KCNIP3: variants seen among roughly 807,000 people sequenced by gnomAD.
KCNIP3 encodes calsenilin.
In KCNIP3, 28 loss-of-function variants were observed where a neutral mutation model predicts 35.0. The observed-to-expected ratio is 0.80, with a 90% CI of 0.59 to 1.10. The LOEUF (loss-of-function observed/expected upper bound fraction) is 1.10, where lower values mean the gene tolerates loss of function less well. Among genes scored for constraint, KCNIP3 ranks in the 50% least tolerant of loss-of-function variants. The probability of loss-of-function intolerance (pLI) is 0.00; values close to 1 mark genes in which losing one functional copy is unlikely to be tolerated. For synonymous variants in KCNIP3, 134 were observed against 133.8 expected, an observed-to-expected ratio of 1.00 and a Z score of -0.01; for missense variants, 295 against 338.4, an observed-to-expected ratio of 0.87 and a Z score of 1.01.
At chr2:95,355,935 T>A (rs1478706419) in intron 2 of KCNIP3, among the ~76,000 whole-genome samples, 1 of 152,226 alleles carries the variant, frequency 6.6e-6, no homozygotes, top group Non-Finnish European at 1.5e-5. Flanking sequence ...TCTTCCACAA[T>A]GTTTGAACTA....
chr2:95,301,322 T>C (rs926563507), intron 1 of KCNIP3, among the ~76,000 whole-genome samples: 7 of 152,216 alleles, frequency 4.6e-5, no homozygotes, highest in Non-Finnish European at 7.3e-5. Context: ...CCATGGGTCT[T>C]GCGCAGAGCC....
chr2:95,368,840 T>G lies in KCNIP3; in HGVS notation c.182-5456T>G, dbSNP rs149918679. The G allele has an allele frequency of 4.7e-4, 96 of 205,898 alleles. No homozygotes were observed. The East Asian group carries it at 9.7e-3, about 21-fold the overall frequency. The allele number at this position is 205,898 out of a possible 1,614,324, so 12.8% of individuals were successfully genotyped here. A position where few individuals can be genotyped will look rare whatever the true frequency, so the allele number is the denominator to read the frequency against. ...ACCCTTCATGTCGTCATCAGAGTTC[T>G]GACTGTCCCTCAGCTTCCAGGTAGC... On this transcript the variant is annotated intron_variant, in intron 2 of 8. Transcript: ENST00000295225.
At chr2:95,343,816 G>C (rs1679276341) in intron 2 of KCNIP3, among the ~76,000 whole-genome samples, 1 of 152,218 alleles carries the variant, frequency 6.6e-6, no homozygotes, top group Admixed American at 6.5e-5. Flanking sequence ...GACAGAACTG[G>C]ATGGCAGCTT....
rs115255053 is a variant in KCNIP3 at position 95,316,922 on chromosome 2, C to T, written c.181+6402C>T. Among the ~76,000 whole-genome samples, 406 of 152,306 alleles carry T rather than the reference C, an allele frequency of 2.7e-3. 1 individual carries two copies. Among genetic ancestry groups the T allele is most frequent in the African/African-American group, 8.9e-3 (372 of 41,568 alleles). ...CCTTAGCAAGCTGCCTGGCTGTTAT[C>T]GCCTTTATTTATTGCTAAGTGCTCA... On this transcript the variant is annotated intron_variant, in intron 2 of 8. Coordinates refer to ENST00000295225, the MANE Select transcript of KCNIP3 (RefSeq NM_013434.5).
At chr2:95,381,768 G>T (rs546112138) in intron 6 of KCNIP3, 65 bp downstream of exon 6, 2 of 1,096,054 alleles carry the variant, frequency 1.8e-6, no homozygotes, top group East Asian at 4.8e-5. Context: ...CCCTCCCGCC[G>T]CTCTTCCTCT....
chr2:95,308,778 C>T (rs1330458724), intron 1 of KCNIP3, among the ~76,000 whole-genome samples: 2 of 152,218 alleles, frequency 1.3e-5, no homozygotes, highest in African/African-American at 4.8e-5. Context: ...GCCAATTCTT[C>T]CAGTTCAAAT....
chr2:95,361,061 A>G (rs1289791704), intron 2 of KCNIP3, among the ~76,000 whole-genome samples: 3 of 152,132 alleles, frequency 2.0e-5, no homozygotes, highest in Non-Finnish European at 4.4e-5. Flanking sequence ...TGGCATCACA[A>G]TTTTGCCCTG....
Position 95,349,634 on chromosome 2 carries a change from C to G in KCNIP3, c.182-24662C>G, listed in dbSNP as rs115589335. On this transcript the variant is annotated intron_variant, in intron 2 of 8. Transcript: ENST00000295225. The stretch of plus-strand genomic sequence containing the variant: ...AGCCCGGGGTGGTGGCATGGCTGTC[C>G]TGACCACCAGGGCAAATCAGTGGGC... 7.7e-3 allele frequency among the ~76,000 whole-genome samples: 1,179 copies of G among 152,320 alleles called. 15 individuals are homozygous for G. Among genetic ancestry groups the G allele is most frequent in the African/African-American group, 0.027 (1,138 of 41,574 alleles).
intron 5 of KCNIP3, among the ~76,000 whole-genome samples, chr2:95,379,130 C>A (rs1680276242): frequency 6.6e-6 from 1 of 151,912 alleles, no homozygotes; most frequent in South Asian, 2.1e-4. Flanking sequence ...CCCCCCAGCC[C>A]CCCACCCATC....
At chr2:95,375,642 C>A (rs550130329) in intron 5 of KCNIP3, among the ~76,000 whole-genome samples, 167 of 152,268 alleles carry the variant, frequency 1.1e-3, no homozygotes, top group Non-Finnish European at 1.7e-3. Flanking sequence ...AACATCCCAG[C>A]CGGAGCAGCC....
At position 95,377,943 on chromosome 2, in the gene KCNIP3, T is replaced by A. The variant is rs557678325; in HGVS notation, c.447+2735T>A. Among the ~76,000 whole-genome samples, 8 of 152,220 alleles carry A rather than the reference T, an allele frequency of 5.3e-5. No individual in the cohort carries two copies. The highest frequency in any genetic ancestry group is 1.2e-4 in the Non-Finnish European group (8 of 68,024). On this transcript the variant is annotated intron_variant, in intron 5 of 8. Transcript: ENST00000295225. This position sits in a 1 kb window ranked among gnomAD's most constrained non-coding sequence, Gnocchi z 4.7. The stretch of plus-strand genomic sequence containing the variant: ...CTGAAGATAAGGTGGAGGACAGCGG[T>A]GCCTGCCCAGGGTCCCCAGGAGAAC...
chr2:95,383,880 C>A, intron 8 of KCNIP3, 122 bp from the exon 9 acceptor site: 1 of 844,306 alleles, frequency 1.2e-6, no homozygotes, highest in South Asian at 1.4e-5. Context: ...CTCCCTGCAC[C>A]CAATAAGACA....
intron 2 of KCNIP3, among the ~76,000 whole-genome samples, chr2:95,347,394 T>C (rs1011593654): frequency 6.6e-6 from 1 of 152,172 alleles, no homozygotes; most frequent in African/African-American, 2.4e-5. Flanking sequence ...AGGCCTGCAG[T>C]CCGGGCGCCC....
chr2:95,302,075 C>T (rs1004112733), intron 1 of KCNIP3, among the ~76,000 whole-genome samples: 13 of 152,240 alleles, frequency 8.5e-5, no homozygotes, highest in Middle Eastern at 6.8e-3. Flanking sequence ...GGGGCCTGCA[C>T]GACACAACGC....
At chr2:95,346,629 G>GCGCCCCT (rs1385886979) in intron 2 of KCNIP3, 2 of 144,810 alleles carry the variant, frequency 1.4e-5, no homozygotes, top group Admixed American at 6.9e-5. Context: ...CCCGCGCCCC[G>GCGCCCCT]GCGCCCGCGG....
At position 95,382,344 on chromosome 2, in the gene KCNIP3, T is replaced by TGTGA. The variant is rs781080133; in HGVS notation, c.556-33_556-32insGTGA. The TGTGA allele has an allele frequency of 6.8e-7, 1 of 1,474,840 alleles. No individual in the cohort carries two copies. Among genetic ancestry groups the TGTGA allele is most frequent in the Non-Finnish European group, 9.2e-7 (1 of 1,088,608 alleles). The allele number at this position is 1,474,840 out of a possible 1,614,324, so 91.4% of individuals were successfully genotyped here. A position where few individuals can be genotyped will look rare whatever the true frequency, so the allele number is the denominator to read the frequency against. ...TTGGGCCCTCACAGCCACCCCGGCC[T>TGTGA]TGCAGCAGGCTCATGCCAGCCTCCC... On this transcript the variant is annotated intron_variant, in intron 6 of 8. Transcript: ENST00000295225. This position sits in a 1 kb window ranked among gnomAD's most constrained non-coding sequence, Gnocchi z 4.5.
In KCNIP3 at chr2:95,382,353, G is replaced by C; in HGVS notation, c.556-24G>C. 1 of 1,526,250 alleles carries C rather than the reference G, an allele frequency of 6.6e-7. No homozygotes were observed. The highest frequency in any genetic ancestry group is 8.9e-7 in the Non-Finnish European group (1 of 1,127,872). 94.5% of individuals were successfully genotyped at this position (1,526,250 alleles called of 1,614,324 possible). A position where few individuals can be genotyped will look rare whatever the true frequency, so the allele number is the denominator to read the frequency against. ...CACAGCCACCCCGGCCTTGCAGCAG[G>C]CTCATGCCAGCCTCCCCCTCCAGGA... On this transcript the variant is annotated intron_variant, in intron 6 of 8. Coordinates refer to ENST00000295225, the MANE Select transcript of KCNIP3 (RefSeq NM_013434.5). This position sits in a 1 kb window ranked among gnomAD's most constrained non-coding sequence, Gnocchi z 4.5.
intron 2 of KCNIP3, among the ~76,000 whole-genome samples, chr2:95,314,669 G>C (rs1237303839): frequency 6.6e-6 from 1 of 152,254 alleles, no homozygotes; most frequent in African/African-American, 2.4e-5. Context: ...GGTCTGAGTG[G>C]TGTGAGGGGC....
intron 1 of KCNIP3, among the ~76,000 whole-genome samples, chr2:95,302,163 C>G (rs1678051026): frequency 6.6e-6 from 1 of 151,948 alleles, no homozygotes; most frequent in African/African-American, 2.4e-5. Context: ...GTGGGCCAGT[C>G]TGCACCGCAG....
Sources: gnomAD v4.1 joint callset for allele counts (sites outside exome capture counted in the v4.1 genomes callset) on GRCh38, gnomAD v4.1.1 for gene constraint, Gnocchi (gnomAD v3.1) non-coding constraint, MANE v1.5 for transcripts, NCBI Gene and HGNC (gene_info 2026-07-23, HGNC 2026-07-21) for gene names.